The following SGCD variants were observed in gnomAD, a reference collection of about 807,000 sequenced individuals.
SGCD encodes the protein delta-sarcoglycan.
Under a neutral mutation model 36.6 loss-of-function variants are expected in SGCD, and 18 were observed. That is an observed-to-expected ratio of 0.49 (90% CI 0.34 to 0.73). The LOEUF (loss-of-function observed/expected upper bound fraction) is 0.73. SGCD is among the 30% of genes least tolerant of loss of function. The pLI is 0.01. For synonymous variants in SGCD, 133 were observed against 130.6 expected (o/e 1.02, Z -0.12); for missense variants, 387 against 346.7 (o/e 1.12, Z -0.92).
intron 3 of SGCD, among the ~76,000 whole-genome samples, chr5:156,225,494 T>A (rs1226918880): frequency 6.6e-6 from 1 of 152,104 alleles, no homozygotes; most frequent in African/African-American, 2.4e-5. Context: ...ACTGGAAAGT[T>A]AAAGTGAAAG....
At chr5:156,735,818 A>C (rs187684331) in intron 7 of SGCD, among the ~76,000 whole-genome samples, 240 of 152,248 alleles carry the variant, frequency 1.6e-3, no homozygotes, top group Non-Finnish European at 3.1e-3. Context: ...AGTTGCAGCT[A>C]CTTGTGCTGG....
the SGCD span, among the ~76,000 whole-genome samples, chr5:155,857,744 TTCTC>T: frequency 4.0e-4 from 60 of 151,710 alleles, no homozygotes; most frequent in African/African-American, 1.3e-3. Context: ...TAATTTATCT[TTCTC>T]TTTCTTTTTT....
At chr5:156,353,976 A>G (rs181269218) in intron 3 of SGCD, among the ~76,000 whole-genome samples, 1 of 152,270 alleles carries the variant, frequency 6.6e-6, no homozygotes, top group Admixed American at 6.5e-5. Flanking sequence ...AAGTTATACA[A>G]TCTATTGGGC....
At chr5:156,723,882 C>T (rs955489596) in intron 7 of SGCD, among the ~76,000 whole-genome samples, 3 of 141,190 alleles carry the variant, frequency 2.1e-5, no homozygotes, top group Admixed American at 2.1e-4. Context: ...TGTGTGTATG[C>T]ATGCATGCAT....
the SGCD span, among the ~76,000 whole-genome samples, chr5:155,737,982 T>C: frequency 6.6e-6 from 1 of 152,118 alleles, no homozygotes; most frequent in East Asian, 1.9e-4. Flanking sequence ...CTCTTTTGAT[T>C]GAATAATTAG....
At chr5:155,963,927 G>T in intron 1 of SGCD, among the ~76,000 whole-genome samples, 1 of 152,100 alleles carries the variant, frequency 6.6e-6, no homozygotes, top group East Asian at 1.9e-4. Flanking sequence ...CATTGCAGAT[G>T]TTGAGTTTTT....
intron 1 of SGCD, among the ~76,000 whole-genome samples, chr5:156,100,995 G>T (rs1451670927): frequency 2.0e-5 from 3 of 152,148 alleles, no homozygotes; most frequent in African/African-American, 7.2e-5. Flanking sequence ...GGCCTGGAGA[G>T]TGGAGCCCTC....
At chr5:156,185,605 A>G (rs1329458284) in intron 3 of SGCD, among the ~76,000 whole-genome samples, 1 of 151,686 alleles carries the variant, frequency 6.6e-6, no homozygotes, top group Non-Finnish European at 1.5e-5. Flanking sequence ...ATGAAAGACT[A>G]CAGTTAGTTG....
intron 3 of SGCD, among the ~76,000 whole-genome samples, chr5:156,320,544 A>G (rs952468978): frequency 6.6e-6 from 1 of 152,224 alleles, no homozygotes; most frequent in African/African-American, 2.4e-5. Flanking sequence ...ATTCAGCTCT[A>G]TCAGTATTTG....
At chr5:156,607,205 T>A (rs184828547) in intron 6 of SGCD, among the ~76,000 whole-genome samples, 60 of 152,340 alleles carry the variant, frequency 3.9e-4, no homozygotes, top group Middle Eastern at 3.4e-3. Context: ...CTCTTATTAT[T>A]TTGAGATACA....
At chr5:156,155,810 G>A in intron 3 of SGCD, among the ~76,000 whole-genome samples, 1 of 151,580 alleles carries the variant, frequency 6.6e-6, no homozygotes, top group African/African-American at 2.4e-5. Context: ...AGGTGTCAGT[G>A]GGCTTCCTGC....
chr5:156,467,107 G>A (rs1009332916), intron 3 of SGCD, among the ~76,000 whole-genome samples: 1 of 152,150 alleles, frequency 6.6e-6, no homozygotes, highest in Non-Finnish European at 1.5e-5. Context: ...CATAGACAAA[G>A]TGTGAACAAA....
At chr5:156,436,270 A>G (rs904626224) in intron 3 of SGCD, among the ~76,000 whole-genome samples, 5 of 152,220 alleles carry the variant, frequency 3.3e-5, no homozygotes, top group African/African-American at 1.2e-4. Context: ...ACACACTATA[A>G]GATTTTAAAA....
chr5:155,923,843 C>G (rs1027488303), intron 1 of SGCD, among the ~76,000 whole-genome samples: 3 of 152,148 alleles, frequency 2.0e-5, no homozygotes, highest in Admixed American at 2.0e-4. Context: ...TCACGTATCA[C>G]CATATATAGC....
Position 156,610,771 on chromosome 5 carries a change from C to G in SGCD, c.502+15720C>G, listed in dbSNP as rs527669089. 5.9e-5 allele frequency among the ~76,000 whole-genome samples: 9 copies of G among 152,340 alleles called. No homozygotes were observed. The East Asian group carries it at 1.7e-3, about 29-fold the overall frequency. ...CGCCCCTCCCCCAGCCTCGCTGCCACCTTGCAGTTTGATCTCAGACTCCTG... is the reference window on the plus strand; with the variant it reads ...CGCCCCTCCCCCAGCCTCGCTGCCAGCTTGCAGTTTGATCTCAGACTCCTG... On this transcript the variant is annotated intron_variant, in intron 6 of 8. Transcript: ENST00000337851.
chr5:155,994,216 C>G lies in SGCD; in HGVS notation c.-281-123662C>G, dbSNP rs186844598. On this transcript the variant is annotated intron_variant, in intron 1 of 9. Coordinates refer to the SGCD transcript ENST00000517913. ...GACTTGACTTTACATTGTGGCTGTTCTGACTGTGTGGCAGTGGGGAACTCA... is the reference window on the plus strand; with the variant it reads ...GACTTGACTTTACATTGTGGCTGTTGTGACTGTGTGGCAGTGGGGAACTCA... Among the ~76,000 whole-genome samples, 29 of 152,266 alleles carry G rather than the reference C, an allele frequency of 1.9e-4. No individual in the cohort carries two copies. The East Asian group carries it at 5.0e-3, about 26-fold the overall frequency.
At chr5:156,749,194 T>G (rs1315947897) in intron 7 of SGCD, among the ~76,000 whole-genome samples, 2 of 152,174 alleles carry the variant, frequency 1.3e-5, no homozygotes, top group African/African-American at 4.8e-5. Context: ...TATGTATTTC[T>G]AAAACTAAAG....
the SGCD span, among the ~76,000 whole-genome samples, chr5:155,836,636 T>G: frequency 6.6e-6 from 1 of 152,196 alleles, no homozygotes; most frequent in Admixed American, 6.5e-5. Flanking sequence ...ATTTCTCCCA[T>G]CCACTTGACA....
intron 3 of SGCD, among the ~76,000 whole-genome samples, chr5:156,397,204 A>T (rs1401973713): frequency 6.6e-6 from 1 of 152,188 alleles, no homozygotes; most frequent in Non-Finnish European, 1.5e-5. Flanking sequence ...GAGAGAATGA[A>T]GTTTGAAAGA....
Sources: allele counts gnomAD v4.1 joint callset (sites outside exome capture counted in the v4.1 genomes callset), GRCh38; gene constraint gnomAD v4.1.1; transcripts MANE v1.5; gene names NCBI Gene and HGNC (gene_info 2026-07-23, HGNC 2026-07-21).